DVL3: variants seen among roughly 807,000 people sequenced by gnomAD.
The protein encoded by DVL3 is segment polarity protein dishevelled homolog DVL-3.
Under a neutral mutation model 67.4 loss-of-function variants are expected in DVL3, and 27 were observed. The ratio of observed to expected loss-of-function variants is 0.40; its 90% CI spans 0.30 to 0.55. The LOEUF (loss-of-function observed/expected upper bound fraction) is 0.55, where lower values mean the gene tolerates loss of function less well. DVL3 is among the 20% of genes least tolerant of loss of function. The pLI is 0.46. For missense variants in DVL3, 819 were observed against 1,021.5 expected (o/e 0.80, Z 2.70); for synonymous variants, 369 against 396.8 (o/e 0.93, Z 0.83).
At chr3:184,173,604 TATTATTATTATTTTATC>T (rs1000299976) in exon 15 of DVL3, 5 of 151,920 alleles carry the variant, frequency 3.3e-5, no homozygotes, top group African/African-American at 7.3e-5. Flanking sequence ...TGGTAGCTAT[TATTATTATTATTTTATC>T]ATTATTATTA....
Position 184,166,818 on chromosome 3 carries a change from C to G in DVL3, c.1049-8C>G. ...TGGGTAGCCCATGACTCCTCATCCT[C>G]CCTGCAGGCGAGCCCATCCGGCCCA... On this transcript the variant is annotated splice_polypyrimidine_tract_variant and splice_region_variant and intron_variant, in intron 10 of 14. Transcript: ENST00000313143. The surrounding 1 kb of genome is among the most constrained non-coding windows in gnomAD (Gnocchi z 6.7). The G allele has an allele frequency of 6.2e-7, 1 of 1,613,888 alleles. No homozygotes were observed. Among genetic ancestry groups the G allele is most frequent in the East Asian group, 2.2e-5 (1 of 44,884 alleles).
In DVL3 at chr3:184,171,021, T is replaced by A; in HGVS notation, c.*266T>A. 1 of 1,406,540 alleles carries A rather than the reference T, an allele frequency of 7.1e-7. No individual in the cohort carries two copies. The highest frequency in any genetic ancestry group is 9.3e-7 in the Non-Finnish European group (1 of 1,069,736). 87.1% of individuals were successfully genotyped at this position (1,406,540 alleles called of 1,614,324 possible). On this transcript the variant is annotated 3_prime_UTR_variant, in exon 15 of 15. Transcript: ENST00000313143. ...GACTTCCCAGGACCCCTTTTGTCTC[T>A]GGGACCAGACTTGTTGGTGCTACCC...
At position 184,170,153 on chromosome 3, in the gene DVL3, C is replaced by T; in HGVS notation, c.1646C>T (p.Pro549Leu). 1 of 1,613,646 alleles carries T rather than the reference C, an allele frequency of 6.2e-7. No individual in the cohort carries two copies. The highest frequency in any genetic ancestry group is 8.5e-7 in the Non-Finnish European group (1 of 1,179,960). Reference protein sequence around the residue: ...QYPPPPHPYNPHPGFPELGYS... With the variant: ...QYPPPPHPYNLHPGFPELGYS... ...CCGCCACCCCCGCACCCATACAACCCGCACCCGGGCTTCCCGGAGCTGGGC... is the reference window on the plus strand; with the variant it reads ...CCGCCACCCCCGCACCCATACAACCTGCACCCGGGCTTCCCGGAGCTGGGC... Residue 549 changes from proline (P) to leucine (L), a missense_variant, in exon 14 of 15, where the codon CCG (proline) becomes CTG (leucine). By Grantham distance (98) the Pro-to-Leu change is moderately conservative. This residue lies in a region of DVL3 where 324 missense variants were observed against 331.3 expected (regional missense o/e 0.98). Transcript: ENST00000313143. The surrounding 1 kb of genome is among the most constrained non-coding windows in gnomAD (Gnocchi z 6.5).
In DVL3 at chr3:184,170,736, T is replaced by C. The variant is rs1318010199; in HGVS notation, c.2132T>C (p.Phe711Ser). Residue 711 changes from phenylalanine to serine, a missense_variant, in exon 15 of 15, where the codon TTC becomes TCC. Around this residue, in one of 3 missense-constraint regions of DVL3, gnomAD observed 324 missense variants for 331.3 expected, o/e 0.98. Transcript: ENST00000313143. This position sits in a 1 kb window ranked among gnomAD's most constrained non-coding sequence, Gnocchi z 6.5. ...ATGGCCATGGGAAACCCCAGTGAGT[T>C]CTTTGTGGATGTGATGTGAGCAGGG... Reference protein sequence around the residue: ...FRMAMGNPSEFFVDVM With the variant: ...FRMAMGNPSESFVDVM 1 of 1,613,336 alleles carries C rather than the reference T, an allele frequency of 6.2e-7. No homozygotes were observed. The highest frequency in any genetic ancestry group is 8.5e-7 in the Non-Finnish European group (1 of 1,179,926).
Position 184,171,221 on chromosome 3 carries a change from A to C in DVL3, c.*466A>C. 9.4e-7 allele frequency: 1 copy of C among 1,068,996 alleles called. No homozygotes were observed. The highest frequency in any genetic ancestry group is 1.1e-6 in the Non-Finnish European group (1 of 881,038). The allele number at this position is 1,068,996 out of a possible 1,614,324, so 66.2% of individuals were successfully genotyped here. ...GCACGTGTGCAAACCTCTTGACTTT[A>C]CCCCACATTACTGAAACCAAAATAT... On this transcript the variant is annotated 3_prime_UTR_variant, in exon 15 of 15. Transcript: ENST00000313143.
chr3:184,171,567 C>G lies in DVL3; in HGVS notation c.*812C>G. ...CCAATTTACCCTGGGCCTGGAGCAG[C>G]CAAGAATTTCGGGCTGTTTGACTTT... On this transcript the variant is annotated 3_prime_UTR_variant, in exon 15 of 15. Coordinates refer to ENST00000313143, the MANE Select transcript of DVL3 (RefSeq NM_004423.4). 1 of 986,016 alleles carries G rather than the reference C, an allele frequency of 1.0e-6. No individual in the cohort carries two copies. Among genetic ancestry groups the G allele is most frequent in the Non-Finnish European group, 1.2e-6 (1 of 830,028 alleles). The allele number at this position is 986,016 out of a possible 1,614,324, so 61.1% of individuals were successfully genotyped here. A position where few individuals can be genotyped will look rare whatever the true frequency, so the allele number is the denominator to read the frequency against.
rs373868630 is a variant in DVL3, at chr3:184,166,120, C to T, written c.764-6C>T. 150 of 1,612,466 alleles carry T rather than the reference C, an allele frequency of 9.3e-5. No individual in the cohort carries two copies. In the African/African-American group the frequency reaches 1.7e-3, roughly 19 times the overall value. On this transcript the variant is annotated splice_polypyrimidine_tract_variant and splice_region_variant and intron_variant, in intron 7 of 14. Transcript: ENST00000313143. This position sits in a 1 kb window ranked among gnomAD's most constrained non-coding sequence, Gnocchi z 6.7. Reference sequence around the variant, plus strand: ...CCCCCTTAAGGTCTTAAATTACTCTCTATAGAAAAATATAACTTCTTGGGC... The same window carrying T: ...CCCCCTTAAGGTCTTAAATTACTCTTTATAGAAAAATATAACTTCTTGGGC...
Position 184,155,614 on chromosome 3 carries a change from C to T in DVL3, c.-22C>T, listed in dbSNP as rs1332906650. ...CCGCCCGAGCAGGCCGCGCGCGGGC[C>T]GCCGGGCCCGAGGCCAGAGCCATGG... is the stretch of plus-strand genomic sequence containing the variant. On this transcript the variant is annotated 5_prime_UTR_variant, in exon 1 of 15. Transcript: ENST00000313143. The surrounding 1 kb of genome is among the most constrained non-coding windows in gnomAD (Gnocchi z 5.4). The T allele has an allele frequency of 1.5e-6, 2 of 1,322,580 alleles. No homozygotes were observed. Among genetic ancestry groups the T allele is most frequent in the African/African-American group, 3.1e-5 (2 of 65,444 alleles). The allele number at this position is 1,322,580 out of a possible 1,614,324, so 81.9% of individuals were successfully genotyped here. A position where few individuals can be genotyped will look rare whatever the true frequency, so the allele number is the denominator to read the frequency against.
chr3:184,169,925 C>G (rs928598069), intron 13 of DVL3, 81 bp from the exon 14 acceptor site: 3 of 1,302,736 alleles, frequency 2.3e-6, no homozygotes, highest in African/African-American at 1.5e-5. Context: ...ACCACGGTCT[C>G]TCTCATCCAG....
chr3:184,171,689 C>A lies in DVL3; in HGVS notation c.*934C>A. On this transcript the variant is annotated 3_prime_UTR_variant, in exon 15 of 15. Coordinates refer to ENST00000313143, the MANE Select transcript of DVL3 (RefSeq NM_004423.4). Reference sequence around the variant, plus strand: ...GCTTCCCAAGGATGTCCAGCCCCCACACCCACACGTTAACATAATGAGTCA... The same window carrying A: ...GCTTCCCAAGGATGTCCAGCCCCCAAACCCACACGTTAACATAATGAGTCA... 1 of 740,272 alleles carries A rather than the reference C, an allele frequency of 1.4e-6. No individual in the cohort carries two copies. The highest frequency in any genetic ancestry group is 1.7e-6 in the Non-Finnish European group (1 of 605,590). 45.9% of individuals were successfully genotyped at this position (740,272 alleles called of 1,614,324 possible). A position where few individuals can be genotyped will look rare whatever the true frequency, so the allele number is the denominator to read the frequency against.
At chr3:184,158,724 A>C (rs1969253) in intron 1 of DVL3, among the ~76,000 whole-genome samples, 77,042 of 151,280 alleles carry the variant, frequency 0.51, 19,787 homozygotes, top group South Asian at 0.58. Flanking sequence ...CATCTGGTCT[A>C]CAAAAGTATT....
rs770222102 is a variant in DVL3 at position 184,170,658 on chromosome 3, G to A, written c.2054G>A (p.Arg685His). The stretch of plus-strand genomic sequence containing the variant: ...GGGCCCCCAGGAGCCCCTCCGGGCC[G>A]CGACCTGGCCTCAGTGCCCCCGGAA... The part of the protein sequence containing the change: ...AMGPPGAPPG[R>H]DLASVPPELT... Residue 685 changes from arginine (R) to histidine (H), a missense_variant, in exon 15 of 15, where the codon CGC (arginine) becomes CAC (histidine). Around this residue, in one of 3 missense-constraint regions of DVL3, gnomAD observed 324 missense variants for 331.3 expected, o/e 0.98. Coordinates refer to ENST00000313143, the MANE Select transcript of DVL3 (RefSeq NM_004423.4). The surrounding 1 kb of genome is among the most constrained non-coding windows in gnomAD (Gnocchi z 6.5). 1.9e-6 allele frequency: 3 copies of A among 1,611,388 alleles called. No individual in the cohort carries two copies. Among genetic ancestry groups the A allele is most frequent in the Admixed American group, 1.7e-5 (1 of 59,752 alleles).
chr3:184,167,039 T>C lies in DVL3; in HGVS notation c.1198+64T>C. ...GGCCAGGTGGGGGGACTGATGAGGGTCCATGTGGAGACTCTTGCTTGAGCA... is the reference window on the plus strand; with the variant it reads ...GGCCAGGTGGGGGGACTGATGAGGGCCCATGTGGAGACTCTTGCTTGAGCA... On this transcript the variant is annotated intron_variant, in intron 11 of 14. Coordinates refer to ENST00000313143, the MANE Select transcript of DVL3 (RefSeq NM_004423.4). The surrounding 1 kb of genome is among the most constrained non-coding windows in gnomAD (Gnocchi z 4.6). 1 of 1,573,888 alleles carries C rather than the reference T, an allele frequency of 6.4e-7. No individual in the cohort carries two copies. Among genetic ancestry groups the C allele is most frequent in the South Asian group, 1.1e-5 (1 of 87,390 alleles).
At chr3:184,158,036 G>A (rs941789582) in intron 1 of DVL3, among the ~76,000 whole-genome samples, 1 of 152,120 alleles carries the variant, frequency 6.6e-6, no homozygotes, top group Non-Finnish European at 1.5e-5. Context: ...AGTATCTCTA[G>A]TTTACAAATG....
chr3:184,162,009 C>T (rs920586158), intron 1 of DVL3, among the ~76,000 whole-genome samples: 2 of 152,070 alleles, frequency 1.3e-5, no homozygotes, highest in Non-Finnish European at 1.5e-5. Context: ...GTCAGGCTAA[C>T]CAGGATTCAA....
In DVL3 at chr3:184,164,204, T is replaced by C. The variant is rs1577047926; in HGVS notation, c.232-63T>C. On this transcript the variant is annotated intron_variant, in intron 2 of 14. Transcript: ENST00000313143. The surrounding 1 kb of genome is among the most constrained non-coding windows in gnomAD (Gnocchi z 5.3). ...TTAGGCCTTCATGCCTTGCTGGAAG[T>C]GAACTATCCCCTTCTCCTTGATGCT... is the stretch of plus-strand genomic sequence containing the variant. 6 of 1,571,030 alleles carry C rather than the reference T, an allele frequency of 3.8e-6. No individual in the cohort carries two copies. In the East Asian group the frequency reaches 1.4e-4, roughly 35 times the overall value.
At chr3:184,157,106 A>C (rs1714225631) in intron 1 of DVL3, 1 of 152,708 alleles carries the variant, frequency 6.5e-6, no homozygotes, top group Non-Finnish European at 1.5e-5. Context: ...AGTGCTTTGT[A>C]GATTCTAACT....
In DVL3 at chr3:184,171,370, G is replaced by T; in HGVS notation, c.*615G>T. ...TGCCTGTGCCTAGATCAGAGGCCCA[G>T]AGGGCCCCCTCAGTTGCCTGAGCAG... On this transcript the variant is annotated 3_prime_UTR_variant, in exon 15 of 15. Transcript: ENST00000313143. 2 of 1,001,794 alleles carry T rather than the reference G, an allele frequency of 2.0e-6. No homozygotes were observed. Among genetic ancestry groups the T allele is most frequent in the Non-Finnish European group, 2.4e-6 (2 of 841,078 alleles). The allele number at this position is 1,001,794 out of a possible 1,614,324, so 62.1% of individuals were successfully genotyped here.
rs979890856 is a variant in DVL3, at chr3:184,163,930, C to T, written c.231+204C>T. On this transcript the variant is annotated intron_variant, in intron 2 of 14. Transcript: ENST00000313143. This position sits in a 1 kb window ranked among gnomAD's most constrained non-coding sequence, Gnocchi z 4.5. ...AGTGGGAAGGGGGAAGAGGGAGAGACGGAAACACACAGTGGAGACAGTAAC... is the reference window on the plus strand; with the variant it reads ...AGTGGGAAGGGGGAAGAGGGAGAGATGGAAACACACAGTGGAGACAGTAAC... Among the ~76,000 whole-genome samples the T allele has an allele frequency of 3.3e-5, 5 of 152,102 alleles. No homozygotes were observed. Among genetic ancestry groups the T allele is most frequent in the South Asian group, 2.1e-4 (1 of 4,824 alleles).
Sources: gnomAD v4.1 joint callset for allele counts (sites outside exome capture counted in the v4.1 genomes callset) on GRCh38, gnomAD v4.1.1 for gene constraint, gnomAD v4.1.1 regional missense constraint, Gnocchi (gnomAD v3.1) non-coding constraint, MANE v1.5 for transcripts, NCBI Gene and HGNC (gene_info 2026-07-23, HGNC 2026-07-21) for gene names.